FAM177A1: variants seen among roughly 807,000 people sequenced by gnomAD.
FAM177A1 encodes protein FAM177A1.
FAM177A1 carries 22 observed loss-of-function variants against 26.1 expected under a neutral mutation model. That is an observed-to-expected ratio of 0.84 (90% confidence interval 0.60 to 1.20). The LOEUF (loss-of-function observed/expected upper bound fraction) is 1.20, where lower values mean the gene tolerates loss of function less well. FAM177A1 is among the 50% of genes most tolerant of loss of function. The pLI is 0.00. For synonymous variants in FAM177A1, 95 were observed against 99.3 expected (o/e 0.96, Z 0.26); for missense variants, 296 against 291.1 (o/e 1.02, Z -0.12).
At chr14:35,079,460 A>G (rs2045446253) in intron 4 of FAM177A1, among the ~76,000 whole-genome samples, 1 of 152,222 alleles carries the variant, frequency 6.6e-6, no homozygotes, top group Non-Finnish European at 1.5e-5. Context: ...ATTTGAGGGC[A>G]GTTTAAAAGT....
rs923287654 is a variant in FAM177A1, at chr14:35,081,243, C to G, written c.*15C>G. ...TCCCACCATAAAATGAAATGACTAT[C>G]AAGCTTCAAACTCTTAAGTTTTTTT... On this transcript the variant is annotated 3_prime_UTR_variant, in exon 5 of 5. Coordinates refer to ENST00000280987, the MANE Select transcript of FAM177A1 (RefSeq NM_173607.5). 4 of 1,594,290 alleles carry G rather than the reference C, an allele frequency of 2.5e-6. No homozygotes were observed. The highest frequency in any genetic ancestry group is 3.4e-6 in the Non-Finnish European group (4 of 1,173,992).
intron 2 of FAM177A1, among the ~76,000 whole-genome samples, chr14:35,054,273 A>G (rs568060951): frequency 1.3e-5 from 2 of 152,342 alleles, no homozygotes; most frequent in Admixed American, 6.5e-5. Flanking sequence ...AGATAAGAAT[A>G]TACATTTCTG....
chr14:35,078,709 C>T (rs1216201651), intron 3 of FAM177A1, among the ~76,000 whole-genome samples: 1 of 152,146 alleles, frequency 6.6e-6, no homozygotes, highest in African/African-American at 2.4e-5. Context: ...GATAAGTATT[C>T]TAATACAGAC....
intron 1 of FAM177A1, among the ~76,000 whole-genome samples, chr14:35,047,923 G>A (rs1174833567): frequency 1.3e-5 from 2 of 152,118 alleles, no homozygotes; most frequent in Non-Finnish European, 2.9e-5. Context: ...GTATATCTCT[G>A]TGTATCTCTT....
At chr14:35,069,690 G>A (rs986805764) in intron 2 of FAM177A1, among the ~76,000 whole-genome samples, 3 of 152,084 alleles carry the variant, frequency 2.0e-5, no homozygotes, top group Non-Finnish European at 4.4e-5. Flanking sequence ...AATATGATAA[G>A]ACAAAGGAAT....
At chr14:35,046,653 G>A in intron 1 of FAM177A1, 25 bp downstream of exon 1, 1 of 1,517,586 alleles carries the variant, frequency 6.6e-7, no homozygotes, top group African/African-American at 1.4e-5. Flanking sequence ...CGAGGCTGAC[G>A]TCCGGGGAGC....
At chr14:35,048,193 T>C (rs2044905201) in intron 1 of FAM177A1, among the ~76,000 whole-genome samples, 1 of 152,206 alleles carries the variant, frequency 6.6e-6, no homozygotes, top group African/African-American at 2.4e-5. Context: ...ACACTTAACC[T>C]TTGAGTCCAT....
chr14:35,080,278 C>T (rs2045460034), intron 4 of FAM177A1, among the ~76,000 whole-genome samples: 1 of 152,108 alleles, frequency 6.6e-6, no homozygotes, highest in Non-Finnish European at 1.5e-5. Context: ...TAGGTGCTGC[C>T]TTATCTATGT....
chr14:35,063,886 A>G (rs972354431), intron 2 of FAM177A1, among the ~76,000 whole-genome samples: 6 of 150,834 alleles, frequency 4.0e-5, no homozygotes, highest in South Asian at 2.1e-4. Context: ...CATCTCTACT[A>G]AAAATACAAA....
chr14:35,046,832 T>G (rs2044875164), intron 1 of FAM177A1: 4 of 1,363,362 alleles, frequency 2.9e-6, no homozygotes, highest in Non-Finnish European at 3.8e-6. Context: ...ACCCCTTGGC[T>G]GGCAGCACAG....
chr14:35,072,509 G>A (rs879401281), intron 2 of FAM177A1, among the ~76,000 whole-genome samples: 2 of 152,130 alleles, frequency 1.3e-5, no homozygotes, highest in Non-Finnish European at 2.9e-5. Flanking sequence ...ATGGAAATAC[G>A]TAGTAATTTC....
At chr14:35,057,743 T>C (rs1268215616) in intron 2 of FAM177A1, among the ~76,000 whole-genome samples, 2 of 152,136 alleles carry the variant, frequency 1.3e-5, no homozygotes, top group Admixed American at 1.3e-4. Context: ...CCTTGACCCA[T>C]TGGTTATTTA....
chr14:35,052,411 CAG>C (rs2044987430), intron 1 of FAM177A1, among the ~76,000 whole-genome samples: 1 of 151,814 alleles, frequency 6.6e-6, no homozygotes, highest in Non-Finnish European at 1.5e-5. Flanking sequence ...TTAGTAGAGA[CAG>C]GGTTTCACCG....
chr14:35,064,047 CAAAAAAAA>C (rs575915029), intron 2 of FAM177A1, among the ~76,000 whole-genome samples: 2 of 79,374 alleles, frequency 2.5e-5, no homozygotes, highest in Non-Finnish European at 4.9e-5. Context: ...GACTCTGTCT[CAAAAAAAA>C]AAAAAAAAAA....
intron 2 of FAM177A1, among the ~76,000 whole-genome samples, chr14:35,055,275 C>G (rs1410807048): frequency 1.3e-5 from 2 of 150,850 alleles, no homozygotes; most frequent in Non-Finnish European, 2.9e-5. Flanking sequence ...TGTACTCCAG[C>G]CTGGTCAACA....
At chr14:35,069,536 C>T (rs1053443716) in intron 2 of FAM177A1, among the ~76,000 whole-genome samples, 5 of 152,034 alleles carry the variant, frequency 3.3e-5, no homozygotes, top group East Asian at 3.9e-4. Context: ...CTGCCTGCCT[C>T]GGCCTCCCAA....
chr14:35,046,826 C>G (rs2044875067), intron 1 of FAM177A1, 198 bp downstream of exon 1: 2 of 1,367,196 alleles, frequency 1.5e-6, no homozygotes, highest in South Asian at 3.3e-5. Flanking sequence ...TCACCAACCC[C>G]TTGGCTGGCA....
At chr14:35,059,344 T>A (rs143084198) in intron 2 of FAM177A1, among the ~76,000 whole-genome samples, 1 of 152,284 alleles carries the variant, frequency 6.6e-6, no homozygotes, top group African/African-American at 2.4e-5. Context: ...GATCTTGTTT[T>A]TTTTAATCCA....
intron 2 of FAM177A1, among the ~76,000 whole-genome samples, chr14:35,070,114 C>CAAAAAAAAAAAAAAAAAA (rs746133319): frequency 5.6e-5 from 3 of 53,856 alleles, no homozygotes; most frequent in African/African-American, 1.7e-4. Flanking sequence ...GACTCTGTCT[C>CAAAAAAAAAAAAAAAAAA]AAAAAAAAAA....
Sources: gnomAD v4.1 joint callset for allele counts (sites outside exome capture counted in the v4.1 genomes callset) on GRCh38, gnomAD v4.1.1 for gene constraint, MANE v1.5 for transcripts, NCBI Gene and HGNC (gene_info 2026-07-23, HGNC 2026-07-21) for gene names.